The following PRKCB variants were observed in gnomAD, a reference collection of about 807,000 sequenced individuals.
PRKCB encodes protein kinase C beta type.
In PRKCB, 13 loss-of-function variants were observed where a neutral mutation model predicts 81.5. The ratio of observed to expected loss-of-function variants is 0.16; its 90% CI spans 0.10 to 0.25. PRKCB has a LOEUF of 0.25. Among genes scored for constraint, PRKCB ranks in the 10% least tolerant of loss-of-function variants. PRKCB has a pLI of 1.00. For missense variants in PRKCB, 509 were observed against 875.7 expected (o/e 0.58, Z 5.29); for synonymous variants, 335 against 321.4 (o/e 1.04, Z -0.45).
In PRKCB at chr16:23,858,621, G is replaced by A. The variant is rs148687606; in HGVS notation, c.205+21215G>A. On this transcript the variant is annotated intron_variant, in intron 2 of 16. Transcript: ENST00000643927. ...TAGCCTTGAATAAGGAATTCAGAAAGTGGCTTCTAGTTTGAGGACTTTCAT... is the reference window on the plus strand; with the variant it reads ...TAGCCTTGAATAAGGAATTCAGAAAATGGCTTCTAGTTTGAGGACTTTCAT... Among the ~76,000 whole-genome samples the A allele has an allele frequency of 7.9e-5, 12 of 152,160 alleles. 1 individual carries two copies. In the East Asian group the frequency reaches 1.9e-3, roughly 24 times the overall value.
At chr16:24,044,755 C>A (rs969003544) in intron 5 of PRKCB, among the ~76,000 whole-genome samples, 5 of 152,200 alleles carry the variant, frequency 3.3e-5, no homozygotes, top group Admixed American at 2.6e-4. Flanking sequence ...GTACAATCTG[C>A]AAAATGTAAA....
At chr16:24,023,619 C>T (rs959850375) in intron 3 of PRKCB, among the ~76,000 whole-genome samples, 1 of 152,090 alleles carries the variant, frequency 6.6e-6, no homozygotes, top group Admixed American at 6.5e-5. Flanking sequence ...CCGCCAGCCT[C>T]GGCCTCCCAA....
At chr16:23,934,111 CCTGGACTTG>C (rs1404788444) in intron 2 of PRKCB, among the ~76,000 whole-genome samples, 2 of 152,068 alleles carry the variant, frequency 1.3e-5, no homozygotes, top group Admixed American at 1.3e-4. Flanking sequence ...GGATTTCCTT[CCTGGACTTG>C]CTTGGTTCTG....
chr16:24,076,747 C>T (rs1966182251), intron 5 of PRKCB, among the ~76,000 whole-genome samples: 4 of 152,178 alleles, frequency 2.6e-5, no homozygotes, highest in African/African-American at 4.8e-5. Flanking sequence ...CTCAGGGAGC[C>T]GGAGTATAGC....
At chr16:23,908,570 G>A (rs539150496) in intron 2 of PRKCB, among the ~76,000 whole-genome samples, 55 of 151,884 alleles carry the variant, frequency 3.6e-4, no homozygotes, top group African/African-American at 5.1e-4. Context: ...TCGCTCTGTC[G>A]CCCCAGGCTG....
intron 9 of PRKCB, among the ~76,000 whole-genome samples, chr16:24,152,815 G>T (rs1967098989): frequency 6.6e-6 from 1 of 152,094 alleles, no homozygotes; most frequent in Non-Finnish European, 1.5e-5. Context: ...GTAAGCAGAG[G>T]GTCTGCAGGA....
chr16:23,889,764 A>C (rs762058163), intron 2 of PRKCB, among the ~76,000 whole-genome samples: 5 of 152,242 alleles, frequency 3.3e-5, no homozygotes, highest in Non-Finnish European at 4.4e-5. Flanking sequence ...ATGAGGCTGT[A>C]GTATGTGAGA....
At chr16:23,880,468 A>G (rs1963088960) in intron 2 of PRKCB, among the ~76,000 whole-genome samples, 1 of 149,292 alleles carries the variant, frequency 6.7e-6, no homozygotes, top group Admixed American at 6.6e-5. Flanking sequence ...GTTTTTGTGT[A>G]TTTTCTCTGC....
At chr16:23,883,554 A>G (rs918305714) in intron 2 of PRKCB, among the ~76,000 whole-genome samples, 1 of 152,174 alleles carries the variant, frequency 6.6e-6, no homozygotes, top group Admixed American at 6.5e-5. Flanking sequence ...ATTGGCTGCC[A>G]AGTAGAGAAT....
intron 5 of PRKCB, among the ~76,000 whole-genome samples, chr16:24,058,053 A>G (rs1481066174): frequency 6.6e-6 from 1 of 152,028 alleles, no homozygotes; most frequent in Non-Finnish European, 1.5e-5. Flanking sequence ...TTCTTTTCCC[A>G]TGATAGCCAC....
chr16:23,936,579 A>ATTTTTTTTT (rs57643578), intron 2 of PRKCB, among the ~76,000 whole-genome samples: 181 of 96,012 alleles, frequency 1.9e-3, no homozygotes, highest in Non-Finnish European at 2.2e-3. Context: ...CACCCAACTA[A>ATTTTTTTTT]TTTTTTTTTT....
At chr16:24,182,506 G>A (rs993530281) in intron 13 of PRKCB, among the ~76,000 whole-genome samples, 5 of 152,122 alleles carry the variant, frequency 3.3e-5, no homozygotes, top group East Asian at 1.9e-4. Context: ...GGGCGACTGA[G>A]CGAGACTCTG....
intron 2 of PRKCB, among the ~76,000 whole-genome samples, chr16:23,882,191 C>T (rs1226881624): frequency 1.3e-5 from 2 of 151,240 alleles, no homozygotes; most frequent in Non-Finnish European, 2.9e-5. Context: ...GGGATCCTCC[C>T]ATCTCAGCCT....
chr16:24,119,960 C>T (rs564006322), intron 8 of PRKCB, among the ~76,000 whole-genome samples: 1 of 152,254 alleles, frequency 6.6e-6, no homozygotes, highest in East Asian at 1.9e-4. Flanking sequence ...GGAAACAACT[C>T]AAATGCCTGT....
chr16:23,988,075 A>G (rs1258671829), intron 2 of PRKCB, among the ~76,000 whole-genome samples: 6 of 152,310 alleles, frequency 3.9e-5, no homozygotes, highest in Admixed American at 2.6e-4. Context: ...CATGACCCTC[A>G]TCGTATGAAC....
intron 16 of PRKCB, among the ~76,000 whole-genome samples, chr16:24,191,763 C>T (rs1967797344): frequency 6.6e-6 from 1 of 152,198 alleles, no homozygotes; most frequent in South Asian, 2.1e-4. Flanking sequence ...AGACTGAAGT[C>T]CTCTTGAACT....
chr16:23,891,490 T>C (rs1397839484), intron 2 of PRKCB, among the ~76,000 whole-genome samples: 1 of 152,122 alleles, frequency 6.6e-6, no homozygotes, highest in Non-Finnish European at 1.5e-5. Context: ...TAAACAAATA[T>C]TTTTGAAAAT....
At chr16:23,916,708 C>G (rs967282081) in intron 2 of PRKCB, among the ~76,000 whole-genome samples, 1 of 152,216 alleles carries the variant, frequency 6.6e-6, no homozygotes, top group African/African-American at 2.4e-5. Context: ...GCTTTCTTCA[C>G]TTCACAATAT....
chr16:24,102,221 C>A lies in PRKCB; in HGVS notation c.821+7924C>A, dbSNP rs114017042. Among the ~76,000 whole-genome samples the A allele has an allele frequency of 8.4e-3, 1,277 of 152,254 alleles. 16 individuals carry two copies. The highest frequency in any genetic ancestry group is 0.03 in the African/African-American group (1,229 of 41,540). On this transcript the variant is annotated intron_variant, in intron 7 of 16. Transcript: ENST00000643927. ...ACCCATCAGATTGATTACAACACCCCCTGTCCTCCATCCACCACTTAGGAT... is the reference window on the plus strand; with the variant it reads ...ACCCATCAGATTGATTACAACACCCACTGTCCTCCATCCACCACTTAGGAT...
Sources: allele counts gnomAD v4.1 joint callset (sites outside exome capture counted in the v4.1 genomes callset), GRCh38; gene constraint gnomAD v4.1.1; transcripts MANE v1.5; gene names NCBI Gene and HGNC (gene_info 2026-07-23, HGNC 2026-07-21).